KDM4C: variants seen among roughly 807,000 people sequenced by gnomAD.
KDM4C encodes lysine-specific demethylase 4C.
A neutral mutation model predicts 129.3 loss-of-function variants in KDM4C; 81 were observed. The observed-to-expected ratio is 0.63, with a 90% CI of 0.52 to 0.75. The LOEUF (loss-of-function observed/expected upper bound fraction) is 0.75. Among genes scored for constraint, KDM4C ranks in the 30% least tolerant of loss-of-function variants. The probability of loss-of-function intolerance (pLI) is 0.00; values close to 1 mark genes in which losing one functional copy is unlikely to be tolerated. For synonymous variants in KDM4C, 573 were observed against 456.1 expected (o/e 1.26, Z -3.26); for missense variants, 1,457 against 1,304.0 (o/e 1.12, Z -1.81).
At chr9:6,932,631 C>T (rs894395770) in intron 8 of KDM4C, among the ~76,000 whole-genome samples, 1 of 152,180 alleles carries the variant, frequency 6.6e-6, no homozygotes, top group African/African-American at 2.4e-5. Context: ...TTAAGTGTCT[C>T]CCCCTGGTGC....
chr9:7,166,090 A>C (rs10511462), intron 20 of KDM4C, among the ~76,000 whole-genome samples: 88,042 of 152,068 alleles, frequency 0.58, 25,571 homozygotes, highest in East Asian at 0.62. Flanking sequence ...TTTAGAGCCA[A>C]TACATTGTAG....
At chr9:7,077,260 T>G (rs2132893562) in intron 17 of KDM4C, 4 of 978,926 alleles carry the variant, frequency 4.1e-6, no homozygotes, top group Non-Finnish European at 4.9e-6. Context: ...GCCATTTGCA[T>G]GGATCTTGGA....
intron 2 of KDM4C, among the ~76,000 whole-genome samples, chr9:6,797,225 G>C (rs1827916198): frequency 6.6e-6 from 1 of 152,088 alleles, no homozygotes; most frequent in Admixed American, 6.6e-5. Flanking sequence ...GAGCTCAAGT[G>C]CTTCTCCCAC....
chr9:7,143,445 G>T (rs1191582913), intron 19 of KDM4C, among the ~76,000 whole-genome samples: 1 of 152,190 alleles, frequency 6.6e-6, no homozygotes, highest in African/African-American at 2.4e-5. Flanking sequence ...TTCATTAACT[G>T]TCAGAAAAAG....
At chr9:6,889,443 G>A (rs1845804835) in intron 7 of KDM4C, among the ~76,000 whole-genome samples, 1 of 152,058 alleles carries the variant, frequency 6.6e-6, no homozygotes, top group African/African-American at 2.4e-5. Context: ...TCGTGCCTCC[G>A]AGATGTGCAC....
intron 8 of KDM4C, among the ~76,000 whole-genome samples, chr9:6,956,717 A>G (rs1829126487): frequency 6.6e-6 from 1 of 152,188 alleles, no homozygotes; most frequent in South Asian, 2.1e-4. Flanking sequence ...TCCCTTCTTT[A>G]TGAGGTCTGA....
intron 8 of KDM4C, among the ~76,000 whole-genome samples, chr9:6,915,888 G>A (rs966371286): frequency 1.3e-5 from 2 of 152,160 alleles, no homozygotes; most frequent in African/African-American, 2.4e-5. Context: ...TGAGAAGCTC[G>A]CAAAGACTCC....
intron 5 of KDM4C, among the ~76,000 whole-genome samples, chr9:6,879,782 TG>T (rs2130767594): frequency 6.6e-6 from 1 of 152,290 alleles, no homozygotes; most frequent in Admixed American, 6.5e-5. Context: ...AAAATGTGGT[TG>T]GCATGATGAG....
intron 20 of KDM4C, 82 bp downstream of exon 20, chr9:7,165,439 A>G: frequency 6.9e-7 from 1 of 1,449,856 alleles, no homozygotes; most frequent in Non-Finnish European, 9.4e-7. Flanking sequence ...GTGCTGCTGA[A>G]CAATAAGCCA....
At chr9:7,009,490 T>C (rs1340534573) in intron 12 of KDM4C, among the ~76,000 whole-genome samples, 1 of 152,182 alleles carries the variant, frequency 6.6e-6, no homozygotes, top group Non-Finnish European at 1.5e-5. Context: ...AAATTGATGC[T>C]TTTTTCCCCC....
intron 1 of KDM4C, among the ~76,000 whole-genome samples, chr9:6,747,169 G>C (rs1044404928): frequency 1.3e-5 from 2 of 151,412 alleles, no homozygotes; most frequent in African/African-American, 4.9e-5. Flanking sequence ...CTTCAGCCCG[G>C]GTGATAGAGC....
At chr9:7,113,638 G>T (rs1430892824) in intron 18 of KDM4C, among the ~76,000 whole-genome samples, 1 of 152,196 alleles carries the variant, frequency 6.6e-6, no homozygotes, top group Non-Finnish European at 1.5e-5. Flanking sequence ...CTCTACGAAA[G>T]AAGGCAAGAG....
chr9:6,978,195 T>G (rs1345791018), intron 8 of KDM4C, among the ~76,000 whole-genome samples: 2 of 152,194 alleles, frequency 1.3e-5, no homozygotes, highest in Non-Finnish European at 2.9e-5. Context: ...TGTTCAAGAT[T>G]TCATAGCTTG....
chr9:7,159,672 T>C (rs1843567473), intron 19 of KDM4C, among the ~76,000 whole-genome samples: 1 of 152,252 alleles, frequency 6.6e-6, no homozygotes, highest in South Asian at 2.1e-4. Flanking sequence ...CACTTTCTTC[T>C]GGCTTGTAGG....
chr9:6,936,562 T>G (rs1227152436), intron 8 of KDM4C, among the ~76,000 whole-genome samples: 1 of 152,190 alleles, frequency 6.6e-6, no homozygotes, highest in Non-Finnish European at 1.5e-5. Context: ...CCATGAGAAA[T>G]CACTCAGCCC....
At chr9:7,008,420 T>C (rs1335386244) in intron 12 of KDM4C, among the ~76,000 whole-genome samples, 1 of 152,078 alleles carries the variant, frequency 6.6e-6, no homozygotes, top group African/African-American at 2.4e-5. Context: ...TAGCCAGCAT[T>C]TGCAGTCCCA....
chr9:6,825,335 T>C (rs1450889379), intron 4 of KDM4C, among the ~76,000 whole-genome samples: 1 of 152,120 alleles, frequency 6.6e-6, no homozygotes, highest in African/African-American at 2.4e-5. Context: ...TCTGACAAGG[T>C]CTGCGTGTCT....
At chr9:7,050,442 C>CAAAATAAAAA (rs749174137) in intron 17 of KDM4C, among the ~76,000 whole-genome samples, 1 of 78,266 alleles carries the variant, frequency 1.3e-5, no homozygotes, top group Non-Finnish European at 2.6e-5. Flanking sequence ...CCCAGATTAC[C>CAAAATAAAAA]AAAAAAAAAA....
At chr9:6,817,481 A>G (rs1264178120) in intron 4 of KDM4C, among the ~76,000 whole-genome samples, 2 of 152,136 alleles carry the variant, frequency 1.3e-5, no homozygotes, top group African/African-American at 4.8e-5. Flanking sequence ...TTGGGATTAC[A>G]GGTGTGAGCC....
Sources: allele counts gnomAD v4.1 joint callset (sites outside exome capture counted in the v4.1 genomes callset), GRCh38; gene constraint gnomAD v4.1.1; transcripts MANE v1.5; gene names NCBI Gene and HGNC (gene_info 2026-07-23, HGNC 2026-07-21).